The following SPATS2L variants were observed in gnomAD, a reference collection of about 807,000 sequenced individuals.
SPATS2L encodes the protein spermatogenesis associated serine rich 2 like.
In SPATS2L, 30 loss-of-function variants were observed where a neutral mutation model predicts 59.6. The ratio of observed to expected loss-of-function variants is 0.50; its 90% CI spans 0.38 to 0.68. The LOEUF is 0.68. SPATS2L is among the 30% of genes least tolerant of loss of function. The pLI is 0.00. For missense variants in SPATS2L, 615 were observed against 700.0 expected (o/e 0.88, Z 1.37); for synonymous variants, 252 against 263.5 (o/e 0.96, Z 0.42).
chr2:200,314,539 T>C (rs1429795148), intron 1 of SPATS2L, among the ~76,000 whole-genome samples: 3 of 152,176 alleles, frequency 2.0e-5, no homozygotes, highest in African/African-American at 7.2e-5. Flanking sequence ...AGTTTCTGCA[T>C]CTTCAGGTTA....
rs767171878 is a variant in SPATS2L, at chr2:200,416,476, T to G, written c.198+48T>G. On this transcript the variant is annotated intron_variant, in intron 5 of 12. Transcript: ENST00000409140. ...ATTGGTAACATCTTCAATCAAAACC[T>G]TCATGGTTGTTATCATTTTAACAAG... 5.5e-5 allele frequency: 60 copies of G among 1,092,626 alleles called. No individual in the cohort carries two copies. The African/African-American group carries it at 9.3e-4, about 17-fold the overall frequency. The allele number at this position is 1,092,626 out of a possible 1,614,324, so 67.7% of individuals were successfully genotyped here.
chr2:200,400,676 A>G (rs575606188), intron 3 of SPATS2L, among the ~76,000 whole-genome samples: 1 of 152,044 alleles, frequency 6.6e-6, no homozygotes, highest in South Asian at 2.1e-4. Context: ...CAATTTTACT[A>G]TTTTTTTTAG....
At chr2:200,361,999 G>A (rs970702022) in intron 2 of SPATS2L, among the ~76,000 whole-genome samples, 1 of 152,030 alleles carries the variant, frequency 6.6e-6, no homozygotes, top group Admixed American at 6.6e-5. Context: ...CCAGCACTTC[G>A]GGAGGCCAAG....
chr2:200,382,960 T>C (rs1368885064), intron 2 of SPATS2L, among the ~76,000 whole-genome samples: 1 of 152,146 alleles, frequency 6.6e-6, no homozygotes, highest in Non-Finnish European at 1.5e-5. Context: ...TTGTGTGTAG[T>C]GTTTGGGATT....
intron 9 of SPATS2L, among the ~76,000 whole-genome samples, chr2:200,464,638 TTTATTA>T (rs1044916155): frequency 3.3e-5 from 5 of 152,006 alleles, no homozygotes; most frequent in South Asian, 2.1e-4. Flanking sequence ...TCAGACTTTT[TTTATTA>T]TTATTATTAT....
intron 2 of SPATS2L, among the ~76,000 whole-genome samples, chr2:200,346,071 A>G (rs542518456): frequency 6.6e-6 from 1 of 152,364 alleles, no homozygotes; most frequent in African/African-American, 2.4e-5. Flanking sequence ...AAGATGCCGT[A>G]TATTTTTCCT....
intron 1 of SPATS2L, chr2:200,309,102 G>C: frequency 2.8e-6 from 2 of 717,910 alleles, no homozygotes; most frequent in South Asian, 3.0e-5. Context: ...TAAGTGGTAA[G>C]CTTTTACATC....
intron 2 of SPATS2L, among the ~76,000 whole-genome samples, chr2:200,350,904 T>A (rs1164754027): frequency 6.6e-6 from 1 of 152,140 alleles, no homozygotes; most frequent in African/African-American, 2.4e-5. Context: ...GTGGTTAATT[T>A]TTTTTTGTTT....
At chr2:200,409,364 C>G (rs1422365963) in intron 3 of SPATS2L, among the ~76,000 whole-genome samples, 5 of 148,068 alleles carry the variant, frequency 3.4e-5, no homozygotes, top group Non-Finnish European at 7.5e-5. Flanking sequence ...ATAATGAGGG[C>G]TTTTTTTTTT....
intron 3 of SPATS2L, among the ~76,000 whole-genome samples, chr2:200,407,431 A>G (rs893996043): frequency 1.3e-5 from 2 of 152,186 alleles, no homozygotes; most frequent in East Asian, 3.9e-4. Context: ...GGACAGTACA[A>G]CACTTACTAC....
intron 8 of SPATS2L, among the ~76,000 whole-genome samples, chr2:200,454,739 C>T (rs2085715240): frequency 6.6e-6 from 1 of 152,152 alleles, no homozygotes; most frequent in Non-Finnish European, 1.5e-5. Context: ...ACATCTGAAA[C>T]ATGTGAGGTC....
intron 2 of SPATS2L, among the ~76,000 whole-genome samples, chr2:200,380,464 C>A (rs936161670): frequency 4.6e-5 from 7 of 152,242 alleles, no homozygotes; most frequent in African/African-American, 1.7e-4. Context: ...ATGAAGGTCT[C>A]AAACTTGCAT....
intron 3 of SPATS2L, among the ~76,000 whole-genome samples, chr2:200,410,079 A>C (rs1476586034): frequency 1.3e-5 from 2 of 151,912 alleles, no homozygotes; most frequent in African/African-American, 4.8e-5. Context: ...ACCTTTGTCT[A>C]ATATAACTAT....
At chr2:200,433,453 T>C (rs1427847210) in intron 6 of SPATS2L, among the ~76,000 whole-genome samples, 1 of 152,130 alleles carries the variant, frequency 6.6e-6, no homozygotes, top group East Asian at 1.9e-4. Context: ...CTTAAGAGTA[T>C]GGTGTCTGAA....
At chr2:200,315,381 A>T (rs1373227624) in intron 1 of SPATS2L, among the ~76,000 whole-genome samples, 1 of 152,156 alleles carries the variant, frequency 6.6e-6, no homozygotes, top group East Asian at 1.9e-4. Context: ...TTCTCGTGGT[A>T]TGGTAGAGGA....
At chr2:200,410,412 CA>C (rs11367443) in intron 3 of SPATS2L, among the ~76,000 whole-genome samples, 132,614 of 151,724 alleles carry the variant, frequency 0.87, 59,140 homozygotes, top group Non-Finnish European at 0.96. Context: ...AACAAAACAA[CA>C]AAAAAAAACC....
At chr2:200,322,963 T>G (rs1286359272) in intron 1 of SPATS2L, among the ~76,000 whole-genome samples, 1 of 152,204 alleles carries the variant, frequency 6.6e-6, no homozygotes, top group African/African-American at 2.4e-5. Context: ...CATTTTTGTC[T>G]TAGGATTATT....
At chr2:200,331,404 T>C (rs991835880) in intron 2 of SPATS2L, among the ~76,000 whole-genome samples, 12 of 152,202 alleles carry the variant, frequency 7.9e-5, no homozygotes, top group African/African-American at 2.9e-4. Context: ...TTTCACAAAT[T>C]TCTCATGGAT....
intron 2 of SPATS2L, among the ~76,000 whole-genome samples, chr2:200,381,254 A>G (rs1228499892): frequency 6.6e-6 from 1 of 152,062 alleles, no homozygotes; most frequent in African/African-American, 2.4e-5. Context: ...AGTGACCTGT[A>G]CAGAGAAATA....
Sources: gnomAD v4.1 joint callset for allele counts (sites outside exome capture counted in the v4.1 genomes callset) on GRCh38, gnomAD v4.1.1 for gene constraint, MANE v1.5 for transcripts, NCBI Gene and HGNC (gene_info 2026-07-23, HGNC 2026-07-21) for gene names.